The following HHIP variants were observed in gnomAD, a reference collection of about 807,000 sequenced individuals.
HHIP encodes the protein hedgehog-interacting protein.
In HHIP, 12 loss-of-function variants were observed where a neutral mutation model predicts 74.0. That is an observed-to-expected ratio of 0.16 (90% CI 0.10 to 0.26). The LOEUF is 0.26. Among genes scored for constraint, HHIP ranks in the 10% least tolerant of loss-of-function variants. The probability of loss-of-function intolerance (pLI) is 1.00; values close to 1 mark genes in which losing one functional copy is unlikely to be tolerated. For missense variants in HHIP, 788 were observed against 845.0 expected (o/e 0.93, Z 0.84); for synonymous variants, 309 against 311.6 (o/e 0.99, Z 0.09).
At chr4:144,693,194 T>C (rs1729723332) in intron 4 of HHIP, among the ~76,000 whole-genome samples, 1 of 152,120 alleles carries the variant, frequency 6.6e-6, no homozygotes, top group Non-Finnish European at 1.5e-5. Flanking sequence ...CTCTGCATAG[T>C]GATTCTGGGA....
chr4:144,710,775 A>T (rs975366710), intron 7 of HHIP, among the ~76,000 whole-genome samples: 1 of 152,066 alleles, frequency 6.6e-6, no homozygotes, highest in Non-Finnish European at 1.5e-5. Flanking sequence ...GCTGCTAAAC[A>T]CCCTACAGTT....
intron 4 of HHIP, among the ~76,000 whole-genome samples, chr4:144,689,819 A>T (rs1014830164): frequency 2.6e-5 from 4 of 151,596 alleles, no homozygotes; most frequent in African/African-American, 9.7e-5. Context: ...ATTTTATTTT[A>T]TTTTTTTGAG....
At chr4:144,670,768 A>G (rs1223852907) in intron 4 of HHIP, among the ~76,000 whole-genome samples, 48 of 60,584 alleles carry the variant, frequency 7.9e-4, no homozygotes, top group Non-Finnish European at 1.2e-3. Context: ...AGATTTGAAA[A>G]AAAAAAAAAA....
intron 2 of HHIP, 115 bp downstream of exon 2, chr4:144,652,912 C>A: frequency 1.6e-6 from 1 of 634,660 alleles, no homozygotes; most frequent in East Asian, 3.1e-5. Flanking sequence ...TTTAAAAATA[C>A]CTATTTTACC....
chr4:144,654,118 T>C (rs1728498173), intron 2 of HHIP, among the ~76,000 whole-genome samples: 1 of 152,172 alleles, frequency 6.6e-6, no homozygotes, highest in African/African-American at 2.4e-5. Context: ...TTATCTACTT[T>C]AGATAACTAC....
chr4:144,737,645 A>C, intron 12 of HHIP, 119 bp from the exon 13 acceptor site: 1 of 786,880 alleles, frequency 1.3e-6, no homozygotes, highest in Non-Finnish European at 1.9e-6. Flanking sequence ...TTTTGTAACT[A>C]TCTCCCTCCT....
intron 11 of HHIP, among the ~76,000 whole-genome samples, chr4:144,731,840 C>T (rs1730966432): frequency 6.6e-6 from 1 of 152,138 alleles, no homozygotes; most frequent in South Asian, 2.1e-4. Context: ...CTATAACATC[C>T]CTTAAAGTAG....
intron 2 of HHIP, among the ~76,000 whole-genome samples, chr4:144,658,269 TCA>T (rs1728602749): frequency 6.6e-6 from 1 of 152,142 alleles, no homozygotes; most frequent in African/African-American, 2.4e-5. Context: ...CAATATTATT[TCA>T]CTTTTACCAC....
At chr4:144,702,929 T>C (rs1730026759) in intron 4 of HHIP, among the ~76,000 whole-genome samples, 2 of 152,214 alleles carry the variant, frequency 1.3e-5, no homozygotes, top group African/African-American at 4.8e-5. Flanking sequence ...AAAAGTATAA[T>C]GTTAGGGCTA....
intron 4 of HHIP, among the ~76,000 whole-genome samples, chr4:144,684,232 A>ATTTTTTTTTTTTTT (rs1174297815): frequency 1.6e-5 from 1 of 63,008 alleles, no homozygotes; most frequent in African/African-American, 6.2e-5. Context: ...AAAAAAAAGA[A>ATTTTTTTTTTTTTT]TTTTTTTTTT....
intron 4 of HHIP, among the ~76,000 whole-genome samples, chr4:144,667,739 C>T (rs558034066): frequency 1.3e-5 from 2 of 152,262 alleles, no homozygotes; most frequent in East Asian, 3.9e-4. Context: ...TTTTTCTCAA[C>T]CTGGATATTA....
chr4:144,677,519 G>T (rs1729202787), intron 4 of HHIP, among the ~76,000 whole-genome samples: 1 of 152,114 alleles, frequency 6.6e-6, no homozygotes, highest in African/African-American at 2.4e-5. Flanking sequence ...GCCACTCATG[G>T]GTCCCAGAAC....
At chr4:144,671,759 C>T (rs949185230) in intron 4 of HHIP, among the ~76,000 whole-genome samples, 7 of 152,004 alleles carry the variant, frequency 4.6e-5, no homozygotes, top group Admixed American at 6.6e-5. Flanking sequence ...CTGAGGTAGG[C>T]GGATTACAAG....
chr4:144,728,932 G>A (rs1262617132), intron 11 of HHIP, among the ~76,000 whole-genome samples: 4 of 151,856 alleles, frequency 2.6e-5, no homozygotes, highest in Admixed American at 6.6e-5. Context: ...CAAAACATGC[G>A]GTAAATCCTT....
At chr4:144,668,243 G>A (rs997534103) in intron 4 of HHIP, among the ~76,000 whole-genome samples, 1 of 152,000 alleles carries the variant, frequency 6.6e-6, no homozygotes, top group African/African-American at 2.4e-5. Flanking sequence ...CTTGAACCCC[G>A]GAGGCGGAGG....
At chr4:144,654,010 G>C (rs1204678397) in intron 2 of HHIP, among the ~76,000 whole-genome samples, 5 of 152,140 alleles carry the variant, frequency 3.3e-5, no homozygotes, top group African/African-American at 1.2e-4. Context: ...TAACAGATTA[G>C]ATACCATAAA....
Position 144,724,859 on chromosome 4 carries a change from T to C in HHIP, c.1760+5903T>C, listed in dbSNP as rs111602354. 2.0e-3 allele frequency among the ~76,000 whole-genome samples: 305 copies of C among 151,914 alleles called. 2 individuals carry two copies. Among genetic ancestry groups the C allele is most frequent in the African/African-American group, 6.8e-3 (283 of 41,502 alleles). The stretch of plus-strand genomic sequence containing the variant: ...AATATCATCTTCTTTAGTAATTGGA[T>C]AGATTGCTATGAAAACTTGACTGAA... On this transcript the variant is annotated intron_variant, in intron 11 of 12. Coordinates refer to ENST00000296575, the MANE Select transcript of HHIP (RefSeq NM_022475.3).
At chr4:144,664,949 C>G (rs1301795178) in intron 4 of HHIP, among the ~76,000 whole-genome samples, 2 of 152,100 alleles carry the variant, frequency 1.3e-5, no homozygotes, top group Admixed American at 6.5e-5. Flanking sequence ...AAATTGTCTT[C>G]CCCAAAATAA....
chr4:144,728,901 C>A (rs1730872095), intron 11 of HHIP, among the ~76,000 whole-genome samples: 1 of 152,144 alleles, frequency 6.6e-6, no homozygotes, highest in Admixed American at 6.6e-5. Flanking sequence ...AAGCTGCCTA[C>A]AAAATGGCTA....
Sources: allele counts gnomAD v4.1 joint callset (sites outside exome capture counted in the v4.1 genomes callset), GRCh38; gene constraint gnomAD v4.1.1; transcripts MANE v1.5; gene names NCBI Gene and HGNC (gene_info 2026-07-23, HGNC 2026-07-21).